USP37: variants seen among roughly 807,000 people sequenced by gnomAD.
USP37 encodes the protein ubiquitin specific peptidase 37, also known as ubiquitin carboxyl-terminal hydrolase 37.
In USP37, 27 loss-of-function variants were observed where a neutral mutation model predicts 124.0. The ratio of observed to expected loss-of-function variants is 0.22; its 90% CI spans 0.16 to 0.30. The LOEUF (loss-of-function observed/expected upper bound fraction) is 0.30, where lower values mean the gene tolerates loss of function less well. USP37 is among the 10% of genes least tolerant of loss of function. The pLI is 1.00. For synonymous variants in USP37, 365 were observed against 388.0 expected (o/e 0.94, Z 0.70); for missense variants, 889 against 1,140.4 (o/e 0.78, Z 3.17).
chr2:218,522,532 C>G (rs1233917495), intron 10 of USP37, among the ~76,000 whole-genome samples: 2 of 146,396 alleles, frequency 1.4e-5, no homozygotes, highest in Admixed American at 6.8e-5. Context: ...CACCGTACTC[C>G]AGCCTAGGTG....
At chr2:218,558,972 C>G (rs552089897) in intron 3 of USP37, among the ~76,000 whole-genome samples, 1 of 149,184 alleles carries the variant, frequency 6.7e-6, no homozygotes, top group Non-Finnish European at 1.5e-5. Flanking sequence ...TTCATGAAAG[C>G]TAATGGGTCT....
intron 21 of USP37, among the ~76,000 whole-genome samples, 193 bp downstream of exon 21, chr2:218,465,817 A>G (rs1364632904): frequency 6.6e-6 from 1 of 152,072 alleles, no homozygotes; most frequent in Non-Finnish European, 1.5e-5. Context: ...CAGCCTCCCA[A>G]AGTACTGAGA....
At chr2:218,463,427 G>A in intron 21 of USP37, 61 bp from the exon 22 acceptor site, 3 of 1,482,374 alleles carry the variant, frequency 2.0e-6, no homozygotes, top group Non-Finnish European at 2.8e-6. Context: ...CTTACTTAAT[G>A]AGGATAAAAT....
intron 10 of USP37, among the ~76,000 whole-genome samples, chr2:218,519,083 T>A (rs1690449124): frequency 6.6e-6 from 1 of 152,246 alleles, no homozygotes; most frequent in Non-Finnish European, 1.5e-5. Flanking sequence ...GACAACCAAG[T>A]CTGCTAATGT....
intron 20 of USP37, among the ~76,000 whole-genome samples, chr2:218,468,857 C>T (rs1157788531): frequency 6.6e-6 from 1 of 152,076 alleles, no homozygotes; most frequent in Non-Finnish European, 1.5e-5. Flanking sequence ...CCACACCCGG[C>T]TCATTTTTTA....
chr2:218,547,391 G>A (rs573993821), intron 6 of USP37, among the ~76,000 whole-genome samples: 1 of 133,376 alleles, frequency 7.5e-6, no homozygotes, highest in African/African-American at 2.9e-5. Flanking sequence ...GTTGATCTGC[G>A]GTAAGGCTCA....
chr2:218,458,358 G>A (rs1349790107), intron 23 of USP37, among the ~76,000 whole-genome samples: 3 of 151,078 alleles, frequency 2.0e-5, no homozygotes, highest in East Asian at 3.9e-4. Context: ...GATCCCTCAA[G>A]GCCAAGAATT....
In USP37 at chr2:218,534,615, T is replaced by C. The variant is rs748074381; in HGVS notation, c.772A>G (p.Thr258Ala). Residue 258 changes from threonine (T) to alanine (A), a missense_variant, in exon 9 of 26, where the codon ACA becomes GCA. By Grantham distance (58) the Thr-to-Ala change is moderately conservative. Around this residue, in one of 3 missense-constraint regions of USP37, gnomAD observed 374 missense variants for 386.0 expected, o/e 0.97. Coordinates refer to ENST00000258399, the MANE Select transcript of USP37 (RefSeq NM_020935.3). ...TGTAAGATCAAACACTTACCTGATGTCCTATTCTCTTCTGACTGTTTCAAA... is the reference window on the plus strand; with the variant it reads ...TGTAAGATCAAACACTTACCTGATGCCCTATTCTCTTCTGACTGTTTCAAA... ...LSLKQSEENR[T>A]SGLLPLQSSS... is the part of the protein sequence containing the mutation. 6.3e-7 allele frequency: 1 copy of C among 1,597,370 alleles called. No individual in the cohort carries two copies. The highest frequency in any genetic ancestry group is 1.3e-5 in the African/African-American group (1 of 74,514).
At chr2:218,515,502 A>T (rs1297183503) in intron 10 of USP37, among the ~76,000 whole-genome samples, 1 of 152,218 alleles carries the variant, frequency 6.6e-6, no homozygotes, top group Admixed American at 6.5e-5. Context: ...ATATGCAGAG[A>T]ACAGAAACTG....
At chr2:218,514,470 G>T (rs890031807) in intron 10 of USP37, 1 of 151,982 alleles carries the variant, frequency 6.6e-6, no homozygotes. Flanking sequence ...TGATTGGATT[G>T]AGGTTATGCA....
intron 22 of USP37, 132 bp downstream of exon 22, chr2:218,463,174 A>G: frequency 4.5e-6 from 3 of 669,658 alleles, no homozygotes; most frequent in Non-Finnish European, 6.8e-6. Context: ...CCCCCACAAT[A>G]AACACACACA....
intron 8 of USP37, among the ~76,000 whole-genome samples, chr2:218,537,443 T>A (rs1691717702): frequency 6.6e-6 from 1 of 152,192 alleles, no homozygotes; most frequent in East Asian, 1.9e-4. Context: ...AGTGAGGCCA[T>A]CCTAGACCAG....
rs560759105 is a variant in USP37, at chr2:218,537,154, C to T, written c.681-2448G>A. Among the ~76,000 whole-genome samples, 18 of 152,218 alleles carry T rather than the reference C, an allele frequency of 1.2e-4. No homozygotes were observed. In the South Asian group the frequency reaches 1.7e-3, roughly 14 times the overall value. On this transcript the variant is annotated intron_variant, in intron 8 of 25. Transcript: ENST00000258399. Reference sequence around the variant, plus strand: ...CTTAATAAAGTTGTTTTTAAAATGTCGCAAATTATTTCACTCCCTATATTC... The same window carrying T: ...CTTAATAAAGTTGTTTTTAAAATGTTGCAAATTATTTCACTCCCTATATTC...
chr2:218,524,348 C>A (rs1690832247), intron 10 of USP37, among the ~76,000 whole-genome samples: 1 of 152,176 alleles, frequency 6.6e-6, no homozygotes. Flanking sequence ...GATCCTCCCA[C>A]CTAGTCCTCC....
intron 9 of USP37, among the ~76,000 whole-genome samples, chr2:218,531,583 T>C (rs895624623): frequency 1.3e-5 from 2 of 152,366 alleles, no homozygotes; most frequent in South Asian, 2.1e-4. Flanking sequence ...AGTCTTACTA[T>C]TTAAGAAATA....
intron 4 of USP37, 22 bp downstream of exon 4, chr2:218,558,476 C>T (rs139504905): frequency 2.5e-6 from 4 of 1,600,900 alleles, no homozygotes; most frequent in African/African-American, 2.7e-5. Flanking sequence ...AAGAGCTATT[C>T]CAAATCAATA....
At chr2:218,515,097 A>G (rs1690200288) in intron 10 of USP37, among the ~76,000 whole-genome samples, 1 of 152,160 alleles carries the variant, frequency 6.6e-6, no homozygotes, top group Non-Finnish European at 1.5e-5. Context: ...CTATTATTTC[A>G]AGGAGCTCTG....
At chr2:218,528,751 G>T in intron 10 of USP37, 1 of 220,734 alleles carries the variant, frequency 4.5e-6, no homozygotes, top group Non-Finnish European at 8.7e-6. Flanking sequence ...ATGATCACAT[G>T]TTCTCAACAA....
At chr2:218,501,738 G>GA (rs1455066990) in intron 11 of USP37, among the ~76,000 whole-genome samples, 3 of 152,202 alleles carry the variant, frequency 2.0e-5, no homozygotes, top group Non-Finnish European at 2.9e-5. Flanking sequence ...AGATTTCTGG[G>GA]ACAGAGTACT....
Sources: gnomAD v4.1 joint callset for allele counts (sites outside exome capture counted in the v4.1 genomes callset) on GRCh38, gnomAD v4.1.1 for gene constraint, gnomAD v4.1.1 regional missense constraint, MANE v1.5 for transcripts, NCBI Gene and HGNC (gene_info 2026-07-23, HGNC 2026-07-21) for gene names.